Variants in PACRG observed in about 807,000 individuals in gnomAD.
The protein encoded by PACRG is parkin coregulated, also known as parkin coregulated gene protein.
A neutral mutation model predicts 29.7 loss-of-function variants in PACRG; 29 were observed. The observed-to-expected ratio is 0.98, with a 90% CI of 0.73 to 1.33. PACRG has a LOEUF of 1.33. Among genes scored for constraint, PACRG ranks in the 40% most tolerant of loss-of-function variants. The probability of loss-of-function intolerance (pLI) is 0.00; values close to 1 mark genes in which losing one functional copy is unlikely to be tolerated. For missense variants in PACRG, 279 were observed against 316.2 expected (o/e 0.88, Z 0.89); for synonymous variants, 116 against 118.7 (o/e 0.98, Z 0.15).
intron 1 of PACRG, among the ~76,000 whole-genome samples, chr6:162,747,148 G>T (rs982649390): frequency 6.6e-6 from 1 of 151,142 alleles, no homozygotes; most frequent in African/African-American, 2.4e-5. Flanking sequence ...AACCTGAGTG[G>T]CACGGGTTAA....
intron 3 of PACRG, among the ~76,000 whole-genome samples, chr6:163,068,542 C>T (rs892705732): frequency 1.3e-5 from 2 of 151,398 alleles, no homozygotes; most frequent in South Asian, 2.1e-4. Context: ...TGTCTTTCTG[C>T]ACTAAAAACT....
chr6:163,304,740 G>A (rs1785131974), intron 4 of PACRG, among the ~76,000 whole-genome samples: 2 of 152,142 alleles, frequency 1.3e-5, no homozygotes, highest in Admixed American at 1.3e-4. Flanking sequence ...TCATGCAGTG[G>A]GGTCAGTAGG....
At chr6:163,263,753 G>A (rs1202776564) in intron 4 of PACRG, among the ~76,000 whole-genome samples, 1 of 152,170 alleles carries the variant, frequency 6.6e-6, no homozygotes, top group Non-Finnish European at 1.5e-5. Context: ...GTACTAATAT[G>A]ATTATTGTTT....
At chr6:162,767,810 A>C (rs1782916381) in intron 1 of PACRG, among the ~76,000 whole-genome samples, 1 of 151,840 alleles carries the variant, frequency 6.6e-6, no homozygotes, top group Non-Finnish European at 1.5e-5. Context: ...TGCTATTTCT[A>C]TTCTTTTAGC....
intron 1 of PACRG, among the ~76,000 whole-genome samples, chr6:162,761,427 A>G (rs1012313879): frequency 6.6e-6 from 1 of 152,138 alleles, no homozygotes; most frequent in Non-Finnish European, 1.5e-5. Flanking sequence ...GCTTGTCAGT[A>G]TGGAGTATTC....
intron 2 of PACRG, among the ~76,000 whole-genome samples, chr6:162,857,719 T>A (rs530918979): frequency 6.6e-6 from 1 of 152,184 alleles, no homozygotes; most frequent in East Asian, 1.9e-4. Flanking sequence ...CAAAATAAGG[T>A]CTAATTAATC....
Position 162,994,251 on chromosome 6 carries a change from T to A in PACRG, c.292-67899T>A, listed in dbSNP as rs1181504705. Among the ~76,000 whole-genome samples, 551 of 145,524 alleles carry A rather than the reference T, an allele frequency of 3.8e-3. 3 individuals carry two copies. Among genetic ancestry groups the A allele is most frequent in the Non-Finnish European group, 6.3e-3 (423 of 67,288 alleles). On this transcript the variant is annotated intron_variant, in intron 2 of 4. Transcript: ENST00000366888. ...TTGCTCTTCTCGAGGAGTATCTTTG[T>A]GGCGTTCTCTGTATTTCCTGAATCT... is the stretch of plus-strand genomic sequence containing the variant.
chr6:163,072,456 C>A (rs1812154228), intron 3 of PACRG, among the ~76,000 whole-genome samples: 1 of 151,954 alleles, frequency 6.6e-6, no homozygotes, highest in Admixed American at 6.6e-5. Context: ...AGGAATATAC[C>A]TCAACATAAT....
chr6:162,892,613 G>A (rs992482886), intron 2 of PACRG, among the ~76,000 whole-genome samples: 11 of 152,122 alleles, frequency 7.2e-5, no homozygotes, highest in Non-Finnish European at 1.5e-4. Context: ...TGCTCATGCC[G>A]CATTGCCATG....
chr6:162,728,730 C>A (rs1779489806), intron 1 of PACRG, among the ~76,000 whole-genome samples: 1 of 152,102 alleles, frequency 6.6e-6, no homozygotes, highest in African/African-American at 2.4e-5. Context: ...AGCAAAGGGC[C>A]TTATAGAAGG....
chr6:162,792,155 G>T (rs1785004880), intron 1 of PACRG, among the ~76,000 whole-genome samples: 1 of 152,202 alleles, frequency 6.6e-6, no homozygotes, highest in East Asian at 1.9e-4. Flanking sequence ...GGCTGCTGAG[G>T]CCTCAGCATA....
chr6:163,073,832 T>C (rs1364596305), intron 3 of PACRG, among the ~76,000 whole-genome samples: 2 of 152,164 alleles, frequency 1.3e-5, no homozygotes, highest in African/African-American at 4.8e-5. Context: ...TATGAAAAGG[T>C]TCTCGACATA....
At chr6:162,867,040 T>TGATA (rs1391829615) in intron 2 of PACRG, among the ~76,000 whole-genome samples, 1 of 152,232 alleles carries the variant, frequency 6.6e-6, no homozygotes, top group Non-Finnish European at 1.5e-5. Context: ...GATACTTAGC[T>TGATA]GATAACCAGG....
intron 2 of PACRG, among the ~76,000 whole-genome samples, chr6:163,015,543 G>T (rs764269406): frequency 1.3e-5 from 2 of 152,022 alleles, no homozygotes; most frequent in South Asian, 2.1e-4. Flanking sequence ...GTATTTTGTA[G>T]TTCTGCTTGT....
intron 2 of PACRG, among the ~76,000 whole-genome samples, chr6:162,910,759 G>A (rs2128076439): frequency 6.6e-6 from 1 of 152,288 alleles, no homozygotes; most frequent in South Asian, 2.1e-4. Flanking sequence ...AGAGGCAGTG[G>A]GGTCTCCAAA....
chr6:163,067,501 AATAG>A (rs763237790), intron 3 of PACRG, among the ~76,000 whole-genome samples: 6 of 152,346 alleles, frequency 3.9e-5, no homozygotes, highest in Admixed American at 6.5e-5. Flanking sequence ...CATGGATTAA[AATAG>A]ATAGTATGCA....
chr6:163,234,939 GC>G (rs1353431434), intron 4 of PACRG, among the ~76,000 whole-genome samples: 1 of 152,196 alleles, frequency 6.6e-6, no homozygotes, highest in Admixed American at 6.5e-5. Flanking sequence ...GGAAAGTGGG[GC>G]CAAATGTTGG....
At chr6:162,778,178 A>T (rs1783798977) in intron 1 of PACRG, among the ~76,000 whole-genome samples, 1 of 151,994 alleles carries the variant, frequency 6.6e-6, no homozygotes, top group African/African-American at 2.4e-5. Flanking sequence ...AGCAGCGCTG[A>T]GGCTAAAGGA....
intron 4 of PACRG, among the ~76,000 whole-genome samples, chr6:163,179,727 T>G (rs1487704925): frequency 1.6e-5 from 1 of 63,338 alleles, no homozygotes; most frequent in Non-Finnish European, 5.2e-5. Context: ...AAAAAAAAAT[T>G]TTCTTACATC....
Sources: gnomAD v4.1 joint callset for allele counts (sites outside exome capture counted in the v4.1 genomes callset) on GRCh38, gnomAD v4.1.1 for gene constraint, MANE v1.5 for transcripts, NCBI Gene and HGNC (gene_info 2026-07-23, HGNC 2026-07-21) for gene names.